Variants in ZHX2 observed in about 807,000 individuals in gnomAD.
ZHX2 encodes the protein zinc fingers and homeoboxes 2, also known as zinc fingers and homeoboxes protein 2.
Under a neutral mutation model 21.9 loss-of-function variants are expected in ZHX2, and 6 were observed. That is an observed-to-expected ratio of 0.27 (90% CI 0.15 to 0.54). ZHX2 has a LOEUF of 0.54. Ranked by LOEUF, ZHX2 falls within the 20% of genes least tolerant of loss-of-function variation. The pLI, the probability that ZHX2 is intolerant of heterozygous loss-of-function variation, is 0.95. For synonymous variants in ZHX2, 434 were observed against 437.1 expected (o/e 0.99, Z 0.09); for missense variants, 908 against 1,090.7 (o/e 0.83, Z 2.36).
chr8:122,934,120 C>A (rs1474830862), intron 2 of ZHX2, among the ~76,000 whole-genome samples: 1 of 152,176 alleles, frequency 6.6e-6, no homozygotes, highest in Non-Finnish European at 1.5e-5. Context: ...AAGCATTGTA[C>A]CATTTAATCC....
intron 2 of ZHX2, among the ~76,000 whole-genome samples, chr8:122,942,576 C>G (rs1221794734): frequency 2.0e-5 from 3 of 152,192 alleles, no homozygotes; most frequent in Non-Finnish European, 4.4e-5. Context: ...GGCTCTGCAG[C>G]TCCCTCTGGC....
intron 2 of ZHX2, among the ~76,000 whole-genome samples, chr8:122,871,843 A>G (rs1819449871): frequency 6.6e-6 from 1 of 151,938 alleles, no homozygotes; most frequent in South Asian, 2.1e-4. Context: ...TTATCATCCT[A>G]GAGATGTCCA....
At chr8:122,813,468 G>C (rs1817971556) in intron 1 of ZHX2, among the ~76,000 whole-genome samples, 1 of 152,118 alleles carries the variant, frequency 6.6e-6, no homozygotes, top group Non-Finnish European at 1.5e-5. Flanking sequence ...ATGACTTTCA[G>C]ACATCTCCCA....
chr8:122,928,247 A>T (rs1820902835), intron 2 of ZHX2, among the ~76,000 whole-genome samples: 1 of 152,184 alleles, frequency 6.6e-6, no homozygotes, highest in African/African-American at 2.4e-5. Flanking sequence ...ATGAGTGGAT[A>T]AGAACCCGAC....
At chr8:122,876,720 G>A (rs1049437122) in intron 2 of ZHX2, among the ~76,000 whole-genome samples, 11 of 152,180 alleles carry the variant, frequency 7.2e-5, no homozygotes, top group African/African-American at 1.4e-4. Context: ...ACCCCTGCTC[G>A]CCTGAGGCTG....
intron 2 of ZHX2, among the ~76,000 whole-genome samples, chr8:122,936,700 T>C (rs1812701974): frequency 6.6e-6 from 1 of 152,182 alleles, no homozygotes; most frequent in Non-Finnish European, 1.5e-5. Context: ...TGGGACACAG[T>C]GGAATTCAGT....
intron 1 of ZHX2, among the ~76,000 whole-genome samples, chr8:122,851,573 G>A (rs1818902007): frequency 1.3e-5 from 2 of 152,210 alleles, no homozygotes; most frequent in Admixed American, 1.3e-4. Flanking sequence ...AGCTCCATGA[G>A]GTGAAGGACT....
In ZHX2 at chr8:122,951,412, G is replaced by A. The variant is rs1334099628; in HGVS notation, c.-99G>A. 17 of 1,078,458 alleles carry A rather than the reference G, an allele frequency of 1.6e-5. No homozygotes were observed. Among genetic ancestry groups the A allele is most frequent in the Non-Finnish European group, 2.1e-5 (16 of 762,352 alleles). 66.8% of individuals were successfully genotyped at this position (1,078,458 alleles called of 1,614,324 possible). ...AGGAAAGCCAAAGCCATTTGAGGGG[G>A]AATAAAGCCAAAAGCCTTTCACCTT... On this transcript the variant is annotated 5_prime_UTR_variant, in exon 3 of 4. Coordinates refer to ENST00000314393, the MANE Select transcript of ZHX2 (RefSeq NM_014943.5).
At chr8:122,868,427 C>T (rs1819349314) in intron 2 of ZHX2, among the ~76,000 whole-genome samples, 1 of 151,948 alleles carries the variant, frequency 6.6e-6, no homozygotes, top group South Asian at 2.1e-4. Context: ...GCGGGAAGAT[C>T]ACCTGAACCC....
At chr8:122,825,718 C>A (rs112808904) in intron 1 of ZHX2, among the ~76,000 whole-genome samples, 1 of 152,190 alleles carries the variant, frequency 6.6e-6, no homozygotes, top group African/African-American at 2.4e-5. Context: ...GAAGCTGATT[C>A]ACCTGCAACC....
chr8:122,857,022 G>C lies in ZHX2; in HGVS notation c.-282-6455G>C, dbSNP rs544165910. 2.0e-5 allele frequency among the ~76,000 whole-genome samples: 3 copies of C among 152,040 alleles called. No individual in the cohort carries two copies. In the East Asian group the frequency reaches 5.8e-4, roughly 29 times the overall value. ...CAGCTGCCAGTCTCTGGGGTCCACCGTGCCCCTCCCGCCACAGCCCACACA... is the reference window on the plus strand; with the variant it reads ...CAGCTGCCAGTCTCTGGGGTCCACCCTGCCCCTCCCGCCACAGCCCACACA... On this transcript the variant is annotated intron_variant, in intron 1 of 3. Coordinates refer to ENST00000314393, the MANE Select transcript of ZHX2 (RefSeq NM_014943.5).
intron 1 of ZHX2, chr8:122,808,839 G>GT (rs1184774003): frequency 3.9e-5 from 6 of 152,232 alleles, no homozygotes; most frequent in Admixed American, 3.9e-4. Flanking sequence ...AACCTGACTA[G>GT]TTTGAGTTGG....
At chr8:122,946,182 G>A (rs1050721167) in intron 2 of ZHX2, among the ~76,000 whole-genome samples, 7 of 151,592 alleles carry the variant, frequency 4.6e-5, no homozygotes, top group South Asian at 2.1e-4. Context: ...TATCAGACCC[G>A]AAGACTTTGC....
intron 2 of ZHX2, among the ~76,000 whole-genome samples, chr8:122,922,753 C>T (rs1312787031): frequency 6.6e-6 from 1 of 152,228 alleles, no homozygotes; most frequent in Non-Finnish European, 1.5e-5. Context: ...GGGTGTATTG[C>T]TCAACATCTC....
chr8:122,845,046 AAC>A (rs1818724034), intron 1 of ZHX2, among the ~76,000 whole-genome samples: 1 of 152,202 alleles, frequency 6.6e-6, no homozygotes. Context: ...CCTGTGCCCA[AAC>A]ACACATAGGG....
intron 1 of ZHX2, among the ~76,000 whole-genome samples, chr8:122,836,250 G>A (rs1030853422): frequency 3.9e-5 from 6 of 152,216 alleles, no homozygotes; most frequent in Admixed American, 2.6e-4. Context: ...GAGAAATCAA[G>A]AGAGGCCATG....
chr8:122,951,400 C>A lies in ZHX2; in HGVS notation c.-111C>A, dbSNP rs1813105316. 4.2e-6 allele frequency: 4 copies of A among 942,094 alleles called. No individual in the cohort carries two copies. The Admixed American group carries it at 8.5e-5, about 20-fold the overall frequency. 58.4% of individuals were successfully genotyped at this position (942,094 alleles called of 1,614,324 possible). A position where few individuals can be genotyped will look rare whatever the true frequency, so the allele number is the denominator to read the frequency against. Reference sequence around the variant, plus strand: ...CTTCAGCACACAAGGAAAGCCAAAGCCATTTGAGGGGGAATAAAGCCAAAA... The same window carrying A: ...CTTCAGCACACAAGGAAAGCCAAAGACATTTGAGGGGGAATAAAGCCAAAA... On this transcript the variant is annotated 5_prime_UTR_variant, in exon 3 of 4. Transcript: ENST00000314393.
chr8:122,848,562 T>G (rs1818807863), intron 1 of ZHX2, among the ~76,000 whole-genome samples: 1 of 152,194 alleles, frequency 6.6e-6, no homozygotes, highest in Admixed American at 6.5e-5. Context: ...GGAAGACGTT[T>G]GGGTCCCATT....
intron 1 of ZHX2, among the ~76,000 whole-genome samples, chr8:122,826,981 G>T (rs943861547): frequency 1.3e-5 from 2 of 152,130 alleles, no homozygotes; most frequent in African/African-American, 2.4e-5. Flanking sequence ...AGCCTAGGAT[G>T]GATGAATTTA....
Sources: gnomAD v4.1 joint callset for allele counts (sites outside exome capture counted in the v4.1 genomes callset) on GRCh38, gnomAD v4.1.1 for gene constraint, MANE v1.5 for transcripts, NCBI Gene and HGNC (gene_info 2026-07-23, HGNC 2026-07-21) for gene names.